The following SLC7A11 variants were observed in gnomAD, a reference collection of about 807,000 sequenced individuals.
SLC7A11 encodes the protein cystine/glutamate transporter.
A neutral mutation model predicts 54.5 loss-of-function variants in SLC7A11; 35 were observed. The ratio of observed to expected loss-of-function variants is 0.64; its 90% CI spans 0.49 to 0.85. The LOEUF (loss-of-function observed/expected upper bound fraction) is 0.85. Ranked by LOEUF, SLC7A11 falls within the 40% of genes least tolerant of loss-of-function variation. The probability of loss-of-function intolerance (pLI) is 0.00; values close to 1 mark genes in which losing one functional copy is unlikely to be tolerated. For missense variants in SLC7A11, 583 were observed against 618.1 expected, an observed-to-expected ratio of 0.94 and a Z score of 0.60; for synonymous variants, 230 against 225.2, an observed-to-expected ratio of 1.02 and a Z score of -0.19.
In SLC7A11 at chr4:138,170,014, A is replaced by C. The variant is rs540793823; in HGVS notation, c.*1942T>G. On this transcript the variant is annotated 3_prime_UTR_variant, in exon 12 of 12. Transcript: ENST00000280612. The stretch of plus-strand genomic sequence containing the variant: ...ATAGGTCATCATTTCTACTTTGGAC[A>C]ATTTTTTATGAATTCTATGTTTGCC... 6 of 151,542 alleles carry C rather than the reference A, an allele frequency of 4.0e-5. No homozygotes were observed. The highest frequency in any genetic ancestry group is 1.4e-4 in the African/African-American group (6 of 41,410). The allele number at this position is 151,542 out of a possible 1,614,324, so 9.4% of individuals were successfully genotyped here.
At chr4:138,203,816 C>T (rs562585481) in intron 6 of SLC7A11, among the ~76,000 whole-genome samples, 12 of 152,156 alleles carry the variant, frequency 7.9e-5, no homozygotes, top group African/African-American at 2.9e-4. Context: ...AGATTCAAAA[C>T]TTGCAACAGT....
intron 6 of SLC7A11, among the ~76,000 whole-genome samples, chr4:138,198,478 A>G (rs1292078806): frequency 1.3e-5 from 2 of 152,206 alleles, no homozygotes; most frequent in African/African-American, 4.8e-5. Context: ...CTGGTGATCA[A>G]ATGAATGCAT....
At chr4:138,172,821 T>C (rs1736467715) in intron 11 of SLC7A11, among the ~76,000 whole-genome samples, 1 of 152,090 alleles carries the variant, frequency 6.6e-6, no homozygotes, top group African/African-American at 2.4e-5. Context: ...CTGGGGACAT[T>C]AGTTCTTGTT....
chr4:138,237,471 C>A lies in SLC7A11; in HGVS notation c.278-1020G>T, dbSNP rs565723151. Among the ~76,000 whole-genome samples the A allele has an allele frequency of 4.0e-5, 6 of 149,772 alleles. No individual in the cohort carries two copies. The East Asian group carries it at 1.2e-3, about 30-fold the overall frequency. ...CTGGAGTGCAATGGCGCTGTCAGCT[C>A]ATTGCAACCTCTGCCTCCTAGGTTC... On this transcript the variant is annotated intron_variant, in intron 1 of 11. Coordinates refer to ENST00000280612, the MANE Select transcript of SLC7A11 (RefSeq NM_014331.4).
At chr4:138,234,997 A>G (rs1344806731) in intron 2 of SLC7A11, among the ~76,000 whole-genome samples, 1 of 152,246 alleles carries the variant, frequency 6.6e-6, no homozygotes, top group Admixed American at 6.5e-5. Flanking sequence ...CCTAAGTAGT[A>G]TATGGGTTAC....
rs1266037734 is a variant in SLC7A11, at chr4:138,171,402, T to C, written c.*554A>G. The C allele has an allele frequency of 6.6e-6, 1 of 152,392 alleles. No homozygotes were observed. Among genetic ancestry groups the C allele is most frequent in the East Asian group, 1.9e-4 (1 of 5,204 alleles). 9.4% of individuals were successfully genotyped at this position (152,392 alleles called of 1,614,324 possible). ...CCACTGACCTTTGTTCAAAGTGCTCTGGGTATAATCCATTAAAGCATGAGT... is the reference window on the plus strand; with the variant it reads ...CCACTGACCTTTGTTCAAAGTGCTCCGGGTATAATCCATTAAAGCATGAGT... On this transcript the variant is annotated 3_prime_UTR_variant, in exon 12 of 12. Coordinates refer to ENST00000280612, the MANE Select transcript of SLC7A11 (RefSeq NM_014331.4).
chr4:138,205,059 T>C (rs1160415412), intron 6 of SLC7A11, among the ~76,000 whole-genome samples: 2 of 152,038 alleles, frequency 1.3e-5, no homozygotes, highest in African/African-American at 4.8e-5. Context: ...TCATTAACAT[T>C]TTTGAATTTC....
At chr4:138,178,989 T>G (rs1424738749) in intron 11 of SLC7A11, among the ~76,000 whole-genome samples, 5 of 152,102 alleles carry the variant, frequency 3.3e-5, no homozygotes, top group African/African-American at 1.2e-4. Context: ...ACAAAGCTGT[T>G]TCTCCTAAGA....
intron 6 of SLC7A11, among the ~76,000 whole-genome samples, chr4:138,196,216 A>G (rs1474383845): frequency 1.3e-5 from 2 of 152,180 alleles, no homozygotes; most frequent in African/African-American, 2.4e-5. Flanking sequence ...CTCAGATTTA[A>G]TATCAAACAC....
chr4:138,232,246 A>G, intron 3 of SLC7A11, 21 bp downstream of exon 3: 7 of 1,431,234 alleles, frequency 4.9e-6, no homozygotes, highest in Non-Finnish European at 6.9e-6. Flanking sequence ...CCTTTTTCAC[A>G]TATATAGCTA....
chr4:138,206,575 T>G (rs1737412756), intron 6 of SLC7A11, among the ~76,000 whole-genome samples: 1 of 151,772 alleles, frequency 6.6e-6, no homozygotes, highest in South Asian at 2.1e-4. Flanking sequence ...CTAAATAGCT[T>G]CCACAAAGCA....
At chr4:138,208,979 T>C (rs11734488) in intron 6 of SLC7A11, among the ~76,000 whole-genome samples, 62,047 of 151,798 alleles carry the variant, frequency 0.41, 13,597 homozygotes, top group Middle Eastern at 0.6. Flanking sequence ...GATACAACAC[T>C]TAAGGAACTG....
chr4:138,179,059 C>T (rs2148410522), intron 11 of SLC7A11, among the ~76,000 whole-genome samples, 158 bp downstream of exon 11: 1 of 152,206 alleles, frequency 6.6e-6, no homozygotes, highest in South Asian at 2.1e-4. Context: ...CCCTAAATGT[C>T]CTTCCTGCCA....
intron 6 of SLC7A11, among the ~76,000 whole-genome samples, chr4:138,212,737 A>G (rs1350229926): frequency 6.6e-6 from 1 of 151,956 alleles, no homozygotes; most frequent in African/African-American, 2.4e-5. Flanking sequence ...TAGTATTACT[A>G]TATATGTGTC....
intron 11 of SLC7A11, among the ~76,000 whole-genome samples, chr4:138,172,470 T>C (rs1381140692): frequency 6.6e-6 from 1 of 152,216 alleles, no homozygotes; most frequent in Non-Finnish European, 1.5e-5. Context: ...GAGAATGTTG[T>C]CTTATCTCCT....
chr4:138,170,229 A>ATATATATATATATATATATATATATATAT lies in SLC7A11; in HGVS notation c.*1726_*1727insATATATATATATATATATATATATATATA, dbSNP rs1491323495. The ATATATATATATATATATATATATATATAT allele has an allele frequency of 9.0e-6, 1 of 111,620 alleles. No individual in the cohort carries two copies. The highest frequency in any genetic ancestry group is 1.8e-5 in the Non-Finnish European group (1 of 54,732). The allele number at this position is 111,620 out of a possible 1,614,324, so 6.9% of individuals were successfully genotyped here. A position where few individuals can be genotyped will look rare whatever the true frequency, so the allele number is the denominator to read the frequency against. On this transcript the variant is annotated 3_prime_UTR_variant, in exon 12 of 12. Transcript: ENST00000280612. ...ACTATATATATATATATATATATAT[A>ATATATATATATATATATATATATATATAT]AAAAGTGTGTGTGTGTGTGTGTATA...
At chr4:138,201,632 T>G (rs970533185) in intron 6 of SLC7A11, among the ~76,000 whole-genome samples, 1 of 152,072 alleles carries the variant, frequency 6.6e-6, no homozygotes. Context: ...ATGGGTTTTC[T>G]CAAAGCCAAC....
intron 2 of SLC7A11, among the ~76,000 whole-genome samples, chr4:138,233,569 A>G (rs773005402): frequency 6.6e-6 from 1 of 152,066 alleles, no homozygotes; most frequent in African/African-American, 2.4e-5. Flanking sequence ...CGATCCATAG[A>G]TTATCAGAAA....
At chr4:138,218,569 T>A (rs1737732597) in intron 5 of SLC7A11, among the ~76,000 whole-genome samples, 1 of 152,170 alleles carries the variant, frequency 6.6e-6, no homozygotes, top group Admixed American at 6.5e-5. Flanking sequence ...AAGGTACAAA[T>A]ACAAAGTTTT....
Sources: allele counts gnomAD v4.1 joint callset (sites outside exome capture counted in the v4.1 genomes callset), GRCh38; gene constraint gnomAD v4.1.1; transcripts MANE v1.5; gene names NCBI Gene and HGNC (gene_info 2026-07-23, HGNC 2026-07-21).